Variants in ARB2A observed in about 807,000 individuals in gnomAD.
ARB2A encodes ARB2 cotranscriptional regulator A.
chr5:93,896,929 C>A, the ARB2A span, among the ~76,000 whole-genome samples: 1 of 151,952 alleles, frequency 6.6e-6, no homozygotes, highest in African/African-American at 2.4e-5. Context: ...ATATTCCGCA[C>A]AATATTAATT....
the ARB2A span, among the ~76,000 whole-genome samples, chr5:93,889,138 A>G: frequency 6.6e-6 from 1 of 151,836 alleles, no homozygotes; most frequent in African/African-American, 2.4e-5. Flanking sequence ...AGAAAAGGGT[A>G]ATGATAAAAT....
At chr5:93,718,420 G>A in the ARB2A span, among the ~76,000 whole-genome samples, 1 of 151,994 alleles carries the variant, frequency 6.6e-6, no homozygotes, top group Non-Finnish European at 1.5e-5. Flanking sequence ...CTGGGCAATG[G>A]AGCGAGACTC....
chr5:94,023,173 T>C, the ARB2A span, among the ~76,000 whole-genome samples: 9 of 152,192 alleles, frequency 5.9e-5, no homozygotes, highest in Non-Finnish European at 4.4e-5. Flanking sequence ...CAGTCAACCA[T>C]TGTATGCAGC....
chr5:94,021,057 G>A, the ARB2A span, among the ~76,000 whole-genome samples: 1 of 151,908 alleles, frequency 6.6e-6, no homozygotes, highest in African/African-American at 2.4e-5. Flanking sequence ...AATAAAATAA[G>A]ATAAAACACT....
At chr5:93,805,018 A>C in the ARB2A span, 2 of 971,678 alleles carry the variant, frequency 2.1e-6, no homozygotes, top group African/African-American at 3.5e-5. Context: ...AGAAAAAAAT[A>C]CATCTTTAGA....
the ARB2A span, among the ~76,000 whole-genome samples, chr5:93,780,834 C>A: frequency 6.6e-6 from 1 of 152,162 alleles, no homozygotes; most frequent in Non-Finnish European, 1.5e-5. Flanking sequence ...GTTGGGATTA[C>A]CGGTGTGAGC....
the ARB2A span, among the ~76,000 whole-genome samples, chr5:94,009,287 T>G: frequency 6.6e-6 from 1 of 152,028 alleles, no homozygotes. Context: ...CAGTCAGTCA[T>G]TCATTGTAAA....
chr5:93,653,493 A>C, the ARB2A span, among the ~76,000 whole-genome samples: 2 of 130,926 alleles, frequency 1.5e-5, no homozygotes, highest in African/African-American at 5.9e-5. Flanking sequence ...GTCTGGGCGA[A>C]AAAGCGAGAC....
At chr5:93,853,607 CTCT>C in the ARB2A span, among the ~76,000 whole-genome samples, 1 of 152,106 alleles carries the variant, frequency 6.6e-6, no homozygotes, top group Non-Finnish European at 1.5e-5. Context: ...TCATAGATAG[CTCT>C]TATTATTTTG....
chr5:93,692,913 C>G, the ARB2A span, among the ~76,000 whole-genome samples: 1 of 152,158 alleles, frequency 6.6e-6, no homozygotes, highest in Non-Finnish European at 1.5e-5. Context: ...CAAAACCGCA[C>G]AACTACATGG....
chr5:94,026,544 T>A, the ARB2A span, among the ~76,000 whole-genome samples: 1 of 152,020 alleles, frequency 6.6e-6, no homozygotes, highest in East Asian at 1.9e-4. Flanking sequence ...ATTGGTTTGG[T>A]TTGTGAGTAT....
the ARB2A span, among the ~76,000 whole-genome samples, chr5:93,622,765 A>G: frequency 3.3e-5 from 5 of 152,312 alleles, no homozygotes; most frequent in East Asian, 1.9e-4. Context: ...TTGTTACTCA[A>G]TAGGAAGGAG....
the ARB2A span, among the ~76,000 whole-genome samples, chr5:94,044,683 C>T: frequency 6.6e-6 from 1 of 151,982 alleles, no homozygotes; most frequent in African/African-American, 2.4e-5. Context: ...CATTCTAAGT[C>T]ACAGGATGAA....
At chr5:93,756,983 A>G in the ARB2A span, among the ~76,000 whole-genome samples, 13 of 152,176 alleles carry the variant, frequency 8.5e-5, no homozygotes, top group Admixed American at 4.6e-4. Flanking sequence ...AAATGATATA[A>G]GAAGTGAAGG....
At chr5:93,937,952 A>T in the ARB2A span, among the ~76,000 whole-genome samples, 20 of 151,894 alleles carry the variant, frequency 1.3e-4, no homozygotes, top group African/African-American at 3.9e-4. Context: ...ATTTAAAAAA[A>T]TTTTTTTTTG....
chr5:93,779,097 G>GTA, the ARB2A span, among the ~76,000 whole-genome samples: 3 of 138,086 alleles, frequency 2.2e-5, no homozygotes, highest in South Asian at 4.5e-4. Flanking sequence ...CAGAGTGTGT[G>GTA]TGTGTGTGTG....
chr5:93,785,537 C>T, the ARB2A span, among the ~76,000 whole-genome samples: 1 of 152,154 alleles, frequency 6.6e-6, no homozygotes, highest in Non-Finnish European at 1.5e-5. Context: ...ACACTGCACA[C>T]CATGCTTATG....
At chr5:93,630,555 C>T in the ARB2A span, among the ~76,000 whole-genome samples, 1 of 152,170 alleles carries the variant, frequency 6.6e-6, no homozygotes, top group South Asian at 2.1e-4. Context: ...ATCCTTTCCT[C>T]TAGCTCCTTT....
chr5:94,039,436 C>T, the ARB2A span, among the ~76,000 whole-genome samples: 1 of 152,210 alleles, frequency 6.6e-6, no homozygotes, highest in Non-Finnish European at 1.5e-5. Context: ...CACTGCTACA[C>T]TGCCACCAGC....
Sources: gnomAD v4.1 joint callset for allele counts (sites outside exome capture counted in the v4.1 genomes callset) on GRCh38, gnomAD v4.1.1 for gene constraint, MANE v1.5 for transcripts, NCBI Gene and HGNC (gene_info 2026-07-23, HGNC 2026-07-21) for gene names.